DIAPH3: variants seen among roughly 807,000 people sequenced by gnomAD.
DIAPH3 encodes the protein protein diaphanous homolog 3.
In DIAPH3, 117 loss-of-function variants were observed where a neutral mutation model predicts 144.3. That is an observed-to-expected ratio of 0.81 (90% CI 0.70 to 0.95). DIAPH3 has a LOEUF of 0.95. Ranked by LOEUF, DIAPH3 falls within the 40% of genes least tolerant of loss-of-function variation. The probability of loss-of-function intolerance (pLI) is 0.00; values close to 1 mark genes in which losing one functional copy is unlikely to be tolerated. For missense variants in DIAPH3, 1,421 were observed against 1,412.7 expected (o/e 1.01, Z -0.09); for synonymous variants, 519 against 488.9 (o/e 1.06, Z -0.81).
In DIAPH3 at chr13:60,112,273, C is replaced by T. The variant is rs551888549; in HGVS notation, c.214-87G>A. 6.9e-6 allele frequency: 10 copies of T among 1,446,686 alleles called. No individual in the cohort carries two copies. The East Asian group carries it at 1.8e-4, about 26-fold the overall frequency. The allele number at this position is 1,446,686 out of a possible 1,614,324, so 89.6% of individuals were successfully genotyped here. A position where few individuals can be genotyped will look rare whatever the true frequency, so the allele number is the denominator to read the frequency against. ...TCAAAAATGAGAAAAACAAAGAGGGCCAATCGTGTTATCATTGTGATTTCA... is the reference window on the plus strand; with the variant it reads ...TCAAAAATGAGAAAAACAAAGAGGGTCAATCGTGTTATCATTGTGATTTCA... On this transcript the variant is annotated intron_variant, in intron 2 of 27. Transcript: ENST00000400324.
intron 2 of DIAPH3, among the ~76,000 whole-genome samples, chr13:60,122,991 A>T (rs937904373): frequency 6.6e-6 from 1 of 152,176 alleles, no homozygotes; most frequent in Non-Finnish European, 1.5e-5. Flanking sequence ...TTTTATTTTA[A>T]AAAGCATAGA....
At chr13:59,689,195 G>A (rs1287057149) in intron 27 of DIAPH3, among the ~76,000 whole-genome samples, 1 of 152,016 alleles carries the variant, frequency 6.6e-6, no homozygotes, top group African/African-American at 2.4e-5. Flanking sequence ...TTAAATACAG[G>A]GGAGAAAGTA....
At chr13:60,096,380 G>T (rs1224974057) in intron 3 of DIAPH3, among the ~76,000 whole-genome samples, 1 of 152,106 alleles carries the variant, frequency 6.6e-6, no homozygotes, top group Non-Finnish European at 1.5e-5. Flanking sequence ...TTTTAAAAAG[G>T]CCTCTGCTTT....
chr13:60,026,435 A>C (rs1345813475), intron 5 of DIAPH3, among the ~76,000 whole-genome samples: 3 of 152,218 alleles, frequency 2.0e-5, no homozygotes, highest in Non-Finnish European at 4.4e-5. Context: ...ATACTTCTGC[A>C]TTCAGATTGC....
chr13:59,712,199 A>G (rs182223337), intron 27 of DIAPH3, among the ~76,000 whole-genome samples: 130 of 152,358 alleles, frequency 8.5e-4, no homozygotes, highest in African/African-American at 3.1e-3. Context: ...CAGAAGATAC[A>G]TCATTAGGAT....
Position 59,967,722 on chromosome 13 carries a change from A to T in DIAPH3, c.2074+2222T>A, listed in dbSNP as rs542569850. On this transcript the variant is annotated intron_variant, in intron 17 of 27. Coordinates refer to ENST00000400324, the MANE Select transcript of DIAPH3 (RefSeq NM_001042517.2). ...TTGCCAGATGACCAGTAATGCCAAA[A>T]AGCACTCTTAGGACTCCTCAAATAA... Among the ~76,000 whole-genome samples, 3 of 152,294 alleles carry T rather than the reference A, an allele frequency of 2.0e-5. No individual in the cohort carries two copies. In the South Asian group the frequency reaches 6.2e-4, roughly 32 times the overall value.
At position 59,991,918 on chromosome 13, in the gene DIAPH3, AAATT is replaced by A. The variant is rs1289251763; in HGVS notation, c.1244+146_1244+149del. The A allele has an allele frequency of 5.2e-5, 36 of 687,330 alleles. No individual in the cohort carries two copies. The Admixed American group carries it at 6.3e-4, about 12-fold the overall frequency. 42.6% of individuals were successfully genotyped at this position (687,330 alleles called of 1,614,324 possible). On this transcript the variant is annotated intron_variant, in intron 11 of 27. Transcript: ENST00000400324. ...TATATGTGTATTCATAAAAACACAC[AAATT>A]AATAAAATAATAACATTCTTCTGAT...
chr13:59,811,736 C>CAAA (rs59712985), intron 24 of DIAPH3, among the ~76,000 whole-genome samples: 26 of 56,676 alleles, frequency 4.6e-4, no homozygotes, highest in East Asian at 1.5e-3. Context: ...GACTCTGTCT[C>CAAA]AAAAAAAAAA....
chr13:60,044,391 T>C (rs1272570472), intron 4 of DIAPH3: 1 of 152,174 alleles, frequency 6.6e-6, no homozygotes, highest in East Asian at 1.9e-4. Context: ...ATTATCAAAG[T>C]AGTAATTTAA....
intron 27 of DIAPH3, among the ~76,000 whole-genome samples, chr13:59,679,766 T>C (rs920039229): frequency 2.0e-5 from 3 of 151,960 alleles, no homozygotes; most frequent in African/African-American, 7.3e-5. Context: ...ATATTGGCCA[T>C]AAATACTTGG....
In DIAPH3 at chr13:59,774,243, G is replaced by T; in HGVS notation, c.3265C>A (p.Arg1089=). Residue 1089 remains arginine, a synonymous_variant, in exon 27 of 28, where the codon CGG becomes AGG. Coordinates refer to ENST00000400324, the MANE Select transcript of DIAPH3 (RefSeq NM_001042517.2). ...TGAGACATTGGACTGAGACTCTGCC[G>T]AACATCTGTTAAAAAAAAAAATAAA... ...RKRTPMPKDV[R]QSLSPMSQRP... The T allele has an allele frequency of 6.2e-7, 1 of 1,611,170 alleles. No homozygotes were observed. Among genetic ancestry groups the T allele is most frequent in the Non-Finnish European group, 8.5e-7 (1 of 1,178,582 alleles).
intron 4 of DIAPH3, among the ~76,000 whole-genome samples, chr13:60,090,042 G>A (rs1441212682): frequency 6.6e-6 from 1 of 152,110 alleles, no homozygotes; most frequent in Admixed American, 6.5e-5. Context: ...GCAGCTCTGT[G>A]ACATCAAGCA....
At chr13:60,113,418 T>G (rs533081863) in intron 2 of DIAPH3, among the ~76,000 whole-genome samples, 1 of 152,206 alleles carries the variant, frequency 6.6e-6, no homozygotes, top group East Asian at 1.9e-4. Context: ...AATAATGAGA[T>G]GTAAAGATAA....
At chr13:59,698,123 C>T (rs143772388) in intron 27 of DIAPH3, among the ~76,000 whole-genome samples, 34 of 152,254 alleles carry the variant, frequency 2.2e-4, no homozygotes, top group African/African-American at 7.9e-4. Flanking sequence ...ATTGTTCAAC[C>T]ACTAAAATAT....
chr13:59,911,705 T>TA, intron 20 of DIAPH3, 30 bp downstream of exon 20: 1 of 1,547,720 alleles, frequency 6.5e-7, no homozygotes, highest in African/African-American at 1.4e-5. Context: ...TGGCACAGTA[T>TA]AAAAATCCTC....
At chr13:59,785,421 C>T (rs1200342973) in intron 25 of DIAPH3, among the ~76,000 whole-genome samples, 5 of 152,050 alleles carry the variant, frequency 3.3e-5, no homozygotes, top group African/African-American at 1.2e-4. Context: ...TTGAATCTTG[C>T]TTCTTACTCT....
At chr13:59,939,634 AC>A (rs1164804106) in intron 17 of DIAPH3, among the ~76,000 whole-genome samples, 1 of 152,112 alleles carries the variant, frequency 6.6e-6, no homozygotes, top group African/African-American at 2.4e-5. Flanking sequence ...AAAGCCTCAA[AC>A]CATTTACCCA....
intron 17 of DIAPH3, among the ~76,000 whole-genome samples, chr13:59,928,685 A>G (rs542201087): frequency 8.5e-5 from 13 of 152,268 alleles, no homozygotes; most frequent in African/African-American, 3.1e-4. Flanking sequence ...CTTAGGCTGC[A>G]GTTGTTTGTG....
intron 5 of DIAPH3, among the ~76,000 whole-genome samples, chr13:60,032,056 A>G (rs1332011404): frequency 6.6e-6 from 1 of 152,114 alleles, no homozygotes; most frequent in Admixed American, 6.5e-5. Flanking sequence ...CTCCAAAATA[A>G]TCTTCTTGAC....
Sources: allele counts gnomAD v4.1 joint callset (sites outside exome capture counted in the v4.1 genomes callset), GRCh38; gene constraint gnomAD v4.1.1; transcripts MANE v1.5; gene names NCBI Gene and HGNC (gene_info 2026-07-23, HGNC 2026-07-21).